Variants in TMEM260 observed in about 807,000 individuals in gnomAD.
TMEM260 encodes the protein transmembrane protein 260.
TMEM260 carries 82 observed loss-of-function variants against 88.9 expected under a neutral mutation model. The ratio of observed to expected loss-of-function variants is 0.92; its 90% CI spans 0.77 to 1.11. TMEM260 has a LOEUF of 1.11. Ranked by LOEUF, TMEM260 falls within the 50% of genes least tolerant of loss-of-function variation. The probability of loss-of-function intolerance (pLI) is 0.00; values close to 1 mark genes in which losing one functional copy is unlikely to be tolerated. For synonymous variants in TMEM260, 314 were observed against 309.3 expected (o/e 1.02, Z -0.16); for missense variants, 902 against 853.4 (o/e 1.06, Z -0.71).
intron 3 of TMEM260, among the ~76,000 whole-genome samples, chr14:56,603,019 A>G (rs1344737032): frequency 6.6e-6 from 1 of 152,128 alleles, no homozygotes; most frequent in African/African-American, 2.4e-5. Context: ...GGAAATAGAA[A>G]GTTGTTTTGG....
At chr14:56,644,312 A>G (rs1321383954) in intron 15 of TMEM260, among the ~76,000 whole-genome samples, 1 of 152,162 alleles carries the variant, frequency 6.6e-6, no homozygotes, top group Non-Finnish European at 1.5e-5. Flanking sequence ...AACAATATAG[A>G]CCAATGGAAC....
chr14:56,609,763 T>C (rs1887138606), intron 6 of TMEM260, among the ~76,000 whole-genome samples: 1 of 152,200 alleles, frequency 6.6e-6, no homozygotes, highest in Non-Finnish European at 1.5e-5. Flanking sequence ...TATCTGTAAA[T>C]GCCTCATGAG....
At chr14:56,638,883 T>C (rs1158183162) in intron 15 of TMEM260, among the ~76,000 whole-genome samples, 3 of 152,124 alleles carry the variant, frequency 2.0e-5, no homozygotes, top group Non-Finnish European at 4.4e-5. Flanking sequence ...AAGACTAATA[T>C]CACAGCAACA....
chr14:56,623,679 G>C (rs1367590074), intron 11 of TMEM260, among the ~76,000 whole-genome samples: 1 of 152,188 alleles, frequency 6.6e-6, no homozygotes, highest in Non-Finnish European at 1.5e-5. Flanking sequence ...ATGAGGAACA[G>C]TAAAGTCCAT....
intron 15 of TMEM260, among the ~76,000 whole-genome samples, chr14:56,643,371 A>G (rs542565662): frequency 1.1e-3 from 160 of 152,344 alleles, no homozygotes; most frequent in Admixed American, 1.4e-3. Context: ...AAATCAATCA[A>G]TGTAATCCAG....
chr14:56,639,689 G>A (rs1889419046), intron 15 of TMEM260, among the ~76,000 whole-genome samples: 1 of 152,238 alleles, frequency 6.6e-6, no homozygotes, highest in Admixed American at 6.5e-5. Context: ...GCAAGGCATT[G>A]CCTCACCCAG....
intron 15 of TMEM260, among the ~76,000 whole-genome samples, 179 bp from the exon 16 acceptor site, chr14:56,647,064 A>G (rs1004569462): frequency 6.6e-6 from 1 of 152,172 alleles, no homozygotes; most frequent in African/African-American, 2.4e-5. Flanking sequence ...GCCTCCTGCT[A>G]CTGTAATAAT....
At chr14:56,640,972 C>CCAAGAAATATGGGACTATGTGAAAA (rs1459877098) in intron 15 of TMEM260, among the ~76,000 whole-genome samples, 2 of 152,052 alleles carry the variant, frequency 1.3e-5, no homozygotes, top group Non-Finnish European at 1.5e-5. Context: ...AACAAAGCCT[C>CCAAGAAATATGGGACTATGTGAAAA]CAAGAAATAT....
intron 13 of TMEM260, 31 bp from the exon 14 acceptor site, chr14:56,634,866 CAG>C (rs557679367): frequency 1.9e-6 from 3 of 1,570,592 alleles, no homozygotes; most frequent in South Asian, 1.2e-5. Flanking sequence ...AAGTGGGTGA[CAG>C]AAAGATATTA....
In TMEM260 at chr14:56,649,102, A is replaced by G. The variant is rs1890131917; in HGVS notation, c.*1605A>G. ...CAGGGTTCAGAGCGGAACCTTTTGA[A>G]GAGTGTCAATAGTTGTAACAGTTCA... On this transcript the variant is annotated 3_prime_UTR_variant, in exon 16 of 16. Coordinates refer to ENST00000261556, the MANE Select transcript of TMEM260 (RefSeq NM_017799.4). 2.0e-5 allele frequency: 3 copies of G among 152,644 alleles called. No individual in the cohort carries two copies. The highest frequency in any genetic ancestry group is 2.9e-5 in the Non-Finnish European group (2 of 68,052). The allele number at this position is 152,644 out of a possible 1,614,324, so 9.5% of individuals were successfully genotyped here.
At chr14:56,580,101 C>T (rs1235558298) in intron 1 of TMEM260, 27 bp downstream of exon 1, 3 of 1,248,456 alleles carry the variant, frequency 2.4e-6, no homozygotes, top group East Asian at 3.1e-5. Flanking sequence ...GTTGCCCCTT[C>T]TGTCCCTCTC....
At chr14:56,586,056 C>A (rs937568734) in intron 3 of TMEM260, 144 bp downstream of exon 3, 6 of 901,616 alleles carry the variant, frequency 6.7e-6, no homozygotes, top group South Asian at 1.8e-5. Flanking sequence ...ATAATACTTT[C>A]ATATGCATTT....
rs1449517011 is a variant in TMEM260, at chr14:56,615,967, C to A, written c.881C>A (p.Thr294Asn). ...ILLSQVTNMR[T>N]ELSFNIQALA... The stretch of plus-strand genomic sequence containing the variant: ...AGTTCTCAAGTAACAAATATGAGGA[C>A]CGAACTCTCATTCAACATCCAAGCC... The change falls in exon 8 of 16, where the codon ACC (threonine) becomes AAC (asparagine). Residue 294 changes from threonine (T) to asparagine (N), a missense_variant. Transcript: ENST00000261556. 1 of 1,613,150 alleles carries A rather than the reference C, an allele frequency of 6.2e-7. No homozygotes were observed. Among genetic ancestry groups the A allele is most frequent in the African/African-American group, 1.3e-5 (1 of 75,000 alleles).
At chr14:56,644,608 T>C (rs913179107) in intron 15 of TMEM260, among the ~76,000 whole-genome samples, 31 of 152,102 alleles carry the variant, frequency 2.0e-4, no homozygotes, top group African/African-American at 5.6e-4. Context: ...ACTTCATGTC[T>C]AAAACACCAA....
chr14:56,650,266 C>T (rs942440281), downstream of TMEM260: 51 of 332,994 alleles, frequency 1.5e-4, no homozygotes, highest in Non-Finnish European at 1.1e-4. Flanking sequence ...CCTGAAGAGC[C>T]AGTGGGAGCC....
At chr14:56,630,280 A>C (rs1362760657) in intron 12 of TMEM260, among the ~76,000 whole-genome samples, 2 of 152,148 alleles carry the variant, frequency 1.3e-5, no homozygotes, top group African/African-American at 4.8e-5. Context: ...TCAACCTGTA[A>C]GATTGTATCT....
At chr14:56,626,709 C>T (rs1389919737) in intron 12 of TMEM260, among the ~76,000 whole-genome samples, 1 of 152,128 alleles carries the variant, frequency 6.6e-6, no homozygotes, top group Non-Finnish European at 1.5e-5. Context: ...TGTTTGGGGA[C>T]ATTCATTCAG....
At chr14:56,602,077 A>G (rs8004012) in intron 3 of TMEM260, among the ~76,000 whole-genome samples, 22,249 of 152,128 alleles carry the variant, frequency 0.15, 2,926 homozygotes, top group African/African-American at 0.34. Flanking sequence ...TTGTTCTTTC[A>G]TTCAGTAAGT....
At chr14:56,599,886 ACTGT>A (rs552729509) in intron 3 of TMEM260, among the ~76,000 whole-genome samples, 46 of 152,314 alleles carry the variant, frequency 3.0e-4, no homozygotes, top group African/African-American at 1.0e-3. Context: ...TATTGTTTAA[ACTGT>A]CTGTCATCCT....
Sources: allele counts gnomAD v4.1 joint callset (sites outside exome capture counted in the v4.1 genomes callset), GRCh38; gene constraint gnomAD v4.1.1; transcripts MANE v1.5; gene names NCBI Gene and HGNC (gene_info 2026-07-23, HGNC 2026-07-21).